The following UPF2 variants were observed in gnomAD, a reference collection of about 807,000 sequenced individuals.
UPF2 encodes regulator of nonsense transcripts 2.
UPF2 carries 17 observed loss-of-function variants against 141.4 expected under a neutral mutation model. The observed-to-expected ratio is 0.12, with a 90% CI of 0.08 to 0.18. UPF2 has a LOEUF of 0.18. Ranked by LOEUF, UPF2 falls within the 10% of genes least tolerant of loss-of-function variation. The pLI, the probability that UPF2 is intolerant of heterozygous loss-of-function variation, is 1.00. For missense variants in UPF2, 1,152 were observed against 1,515.9 expected (o/e 0.76, Z 3.99); for synonymous variants, 540 against 498.0 (o/e 1.08, Z -1.12).
intron 15 of UPF2, among the ~76,000 whole-genome samples, chr10:11,950,608 G>A (rs1279830727): frequency 6.6e-6 from 1 of 152,096 alleles, no homozygotes; most frequent in African/African-American, 2.4e-5. Flanking sequence ...ACTAAACTAG[G>A]TGTCACACTA....
intron 8 of UPF2, among the ~76,000 whole-genome samples, chr10:11,982,238 C>T (rs936993478): frequency 2.6e-5 from 4 of 152,194 alleles, no homozygotes; most frequent in Non-Finnish European, 5.9e-5. Context: ...TGCGGAGGTT[C>T]TTTTGCTGCC....
chr10:12,003,211 G>C (rs1833980480), intron 5 of UPF2, among the ~76,000 whole-genome samples: 1 of 152,178 alleles, frequency 6.6e-6, no homozygotes, highest in African/African-American at 2.4e-5. Flanking sequence ...GGAGCATGCA[G>C]TCACTCCCCA....
intron 4 of UPF2, among the ~76,000 whole-genome samples, chr10:12,013,277 ATTT>A (rs1215529268): frequency 1.5e-5 from 2 of 137,700 alleles, no homozygotes; most frequent in Admixed American, 7.5e-5. Flanking sequence ...CACCCCTAAA[ATTT>A]TTTTTTTTTT....
At chr10:12,039,601 C>G (rs961129815) in intron 1 of UPF2, among the ~76,000 whole-genome samples, 1 of 150,532 alleles carries the variant, frequency 6.6e-6, no homozygotes, top group Admixed American at 6.6e-5. Flanking sequence ...TCAGAACTTA[C>G]AATTATGTCT....
At chr10:12,018,249 A>G (rs1236929924) in intron 3 of UPF2, among the ~76,000 whole-genome samples, 1 of 152,140 alleles carries the variant, frequency 6.6e-6, no homozygotes, top group African/African-American at 2.4e-5. Flanking sequence ...CAAGTCCGAG[A>G]CCAACCTGGG....
At chr10:11,951,940 C>G (rs1190473774) in intron 15 of UPF2, 126 bp downstream of exon 15, 18 of 970,328 alleles carry the variant, frequency 1.9e-5, no homozygotes, top group South Asian at 3.1e-5. Flanking sequence ...AACACTACTA[C>G]GTAACACTCA....
Position 12,014,057 on chromosome 10 carries a change from G to A in UPF2, c.1273C>T (p.Pro425Ser). 3 of 1,585,076 alleles carry A rather than the reference G, an allele frequency of 1.9e-6. No individual in the cohort carries two copies. The highest frequency in any genetic ancestry group is 1.2e-5 in the South Asian group (1 of 86,152). Residue 425 changes from proline (P) to serine (S), a missense_variant, in exon 4 of 22, where the codon CCA becomes TCA. Around this residue, in one of 4 missense-constraint regions of UPF2, gnomAD observed 739 missense variants for 1,032.2 expected, o/e 0.72. Coordinates refer to ENST00000357604, the MANE Select transcript of UPF2 (RefSeq NM_015542.4). This position sits in a 1 kb window ranked among gnomAD's most constrained non-coding sequence, Gnocchi z 5.0. ...SLADLLDENM[P>S]DLPQDKPTPE... ...GTTGGTTTGTCTTGAGGAAGATCTGGCATATTTTCATCCAAAAGGTCTGCT... is the reference window on the plus strand; with the variant it reads ...GTTGGTTTGTCTTGAGGAAGATCTGACATATTTTCATCCAAAAGGTCTGCT...
chr10:11,970,536 G>C (rs1833399069), intron 9 of UPF2, among the ~76,000 whole-genome samples: 1 of 152,104 alleles, frequency 6.6e-6, no homozygotes, highest in African/African-American at 2.4e-5. Flanking sequence ...AACTGGCTGG[G>C]CATGGTGGCT....
intron 4 of UPF2, among the ~76,000 whole-genome samples, chr10:12,012,065 G>A (rs1377378109): frequency 6.6e-6 from 1 of 151,394 alleles, no homozygotes; most frequent in African/African-American, 2.4e-5. Context: ...CAATACCCAA[G>A]TATGCTAAAT....
At chr10:12,038,403 C>CAT (rs1422068986) in intron 1 of UPF2, among the ~76,000 whole-genome samples, 1 of 151,014 alleles carries the variant, frequency 6.6e-6, no homozygotes, top group Non-Finnish European at 1.5e-5. Flanking sequence ...CACACACACA[C>CAT]ACACACACAC....
At chr10:12,028,160 C>G (rs1384065355) in intron 3 of UPF2, among the ~76,000 whole-genome samples, 1 of 152,150 alleles carries the variant, frequency 6.6e-6, no homozygotes, top group Non-Finnish European at 1.5e-5. Context: ...ACCACAGGCA[C>G]AGTACATTCC....
intron 12 of UPF2, among the ~76,000 whole-genome samples, chr10:11,958,914 A>C (rs141804858): frequency 2.1e-4 from 32 of 152,358 alleles, no homozygotes; most frequent in African/African-American, 7.7e-4. Flanking sequence ...GAAAGTAATA[A>C]TTTCAAATAT....
At chr10:11,937,634 C>T (rs1832870640) in intron 18 of UPF2, among the ~76,000 whole-genome samples, 2 of 152,274 alleles carry the variant, frequency 1.3e-5, no homozygotes, top group South Asian at 2.1e-4. Flanking sequence ...ACTGCAAACA[C>T]ATGACTGATG....
rs904845611 is a variant in UPF2 at position 11,992,291 on chromosome 10, G to A, written c.1844+5381C>T. ...AAGCAGACAGGAAGTCAGGTGTGCC[G>A]CTTGCCTACTGAAATAATGCTGAAA... is the stretch of plus-strand genomic sequence containing the variant. On this transcript the variant is annotated intron_variant, in intron 8 of 21. Transcript: ENST00000357604. This position sits in a 1 kb window ranked among gnomAD's most constrained non-coding sequence, Gnocchi z 4.1. 3.3e-5 allele frequency among the ~76,000 whole-genome samples: 5 copies of A among 152,220 alleles called. No individual in the cohort carries two copies. The highest frequency in any genetic ancestry group is 2.0e-4 in the Admixed American group (3 of 15,282).
chr10:12,009,625 C>T (rs531632093), intron 4 of UPF2, among the ~76,000 whole-genome samples: 5 of 152,174 alleles, frequency 3.3e-5, no homozygotes, highest in Non-Finnish European at 7.4e-5. Context: ...CTCAGCTCTA[C>T]AATTGCCCCA....
chr10:12,025,111 T>C (rs111703060), intron 3 of UPF2, among the ~76,000 whole-genome samples: 15 of 152,268 alleles, frequency 9.9e-5, no homozygotes, highest in African/African-American at 3.4e-4. Context: ...CGTATCTGCA[T>C]CTTCTCTATA....
chr10:11,929,859 C>G lies in UPF2; in HGVS notation c.3809+6G>C, dbSNP rs779524388. ...ACAGCTAAGGAAGGAGTAATGACTG[C>G]TTTACCTCCCACCAGTCTTAAAGAT... is the stretch of plus-strand genomic sequence containing the variant. On this transcript the variant is annotated splice_donor_region_variant and intron_variant, in intron 21 of 21. Transcript: ENST00000357604. 1 of 1,614,036 alleles carries G rather than the reference C, an allele frequency of 6.2e-7. No homozygotes were observed. The highest frequency in any genetic ancestry group is 8.5e-7 in the Non-Finnish European group (1 of 1,179,918).
intron 4 of UPF2, among the ~76,000 whole-genome samples, chr10:12,005,504 T>C (rs891597302): frequency 1.3e-5 from 2 of 152,188 alleles, no homozygotes; most frequent in Non-Finnish European, 2.9e-5. Flanking sequence ...GAAAGATACA[T>C]ACTGGTTATG....
Position 12,016,447 on chromosome 10 carries a change from G to C in UPF2, c.1146-2263C>G, listed in dbSNP as rs1322300720. Among the ~76,000 whole-genome samples the C allele has an allele frequency of 6.6e-6, 1 of 152,078 alleles. No homozygotes were observed. The highest frequency in any genetic ancestry group is 2.4e-5 in the African/African-American group (1 of 41,426). On this transcript the variant is annotated intron_variant, in intron 3 of 21. Transcript: ENST00000357604. This position sits in a 1 kb window ranked among gnomAD's most constrained non-coding sequence, Gnocchi z 4.1. ...GCGGTGGCTCACGCCTGTAATCCCAGAACTTTGGAAGGCCGAGGTGGGAGG... is the reference window on the plus strand; with the variant it reads ...GCGGTGGCTCACGCCTGTAATCCCACAACTTTGGAAGGCCGAGGTGGGAGG...
Sources: gnomAD v4.1 joint callset for allele counts (sites outside exome capture counted in the v4.1 genomes callset) on GRCh38, gnomAD v4.1.1 for gene constraint, gnomAD v4.1.1 regional missense constraint, Gnocchi (gnomAD v3.1) non-coding constraint, MANE v1.5 for transcripts, NCBI Gene and HGNC (gene_info 2026-07-23, HGNC 2026-07-21) for gene names.